Variants in SDK1 observed in about 807,000 individuals in gnomAD.
The protein encoded by SDK1 is sidekick cell adhesion molecule 1, also known as protein sidekick-1.
In SDK1, 157 loss-of-function variants were observed where a neutral mutation model predicts 245.5. That is an observed-to-expected ratio of 0.64 (90% CI 0.56 to 0.73). The LOEUF (loss-of-function observed/expected upper bound fraction) is 0.73. SDK1 is among the 30% of genes least tolerant of loss of function. The probability of loss-of-function intolerance (pLI) is 0.00; values close to 1 mark genes in which losing one functional copy is unlikely to be tolerated. For synonymous variants in SDK1, 1,647 were observed against 1,278.5 expected (o/e 1.29, Z -6.15); for missense variants, 3,583 against 3,002.3 (o/e 1.19, Z -4.52).
intron 4 of SDK1, among the ~76,000 whole-genome samples, chr7:3,741,705 C>T (rs1779479178): frequency 6.6e-6 from 1 of 152,084 alleles, no homozygotes; most frequent in South Asian, 2.1e-4. Flanking sequence ...ACTGACTCTT[C>T]AAAGAAAGAC....
intron 5 of SDK1, among the ~76,000 whole-genome samples, chr7:3,933,557 G>A (rs1443662069): frequency 6.6e-6 from 1 of 152,136 alleles, no homozygotes; most frequent in Non-Finnish European, 1.5e-5. Flanking sequence ...ATGTTGGTTA[G>A]GATAGAACCC....
chr7:3,312,006 A>G (rs1372086608), intron 1 of SDK1, among the ~76,000 whole-genome samples: 1 of 152,142 alleles, frequency 6.6e-6, no homozygotes, highest in Non-Finnish European at 1.5e-5. Flanking sequence ...CAAACCTTGA[A>G]GGGCTTTTCC....
At chr7:3,798,221 T>G (rs1233504208) in intron 4 of SDK1, among the ~76,000 whole-genome samples, 3 of 143,840 alleles carry the variant, frequency 2.1e-5, no homozygotes, top group Non-Finnish European at 4.5e-5. Flanking sequence ...CTTTTTTTTT[T>G]TTTTTTTTTT....
chr7:3,993,832 A>G lies in SDK1; in HGVS notation c.2131+6510A>G, dbSNP rs544314880. Among the ~76,000 whole-genome samples the G allele has an allele frequency of 7.2e-5, 11 of 152,046 alleles. No homozygotes were observed. In the South Asian group the frequency reaches 1.0e-3, roughly 14 times the overall value. On this transcript the variant is annotated intron_variant, in intron 14 of 44. Coordinates refer to ENST00000404826, the MANE Select transcript of SDK1 (RefSeq NM_152744.4). ...CACCTCCTCACTTCTCACGCATTCT[A>G]TCTACTCTTCTCTCCTGAGGCCATA...
intron 35 of SDK1, among the ~76,000 whole-genome samples, chr7:4,191,763 G>A (rs780509693): frequency 2.0e-5 from 3 of 152,240 alleles, no homozygotes; most frequent in African/African-American, 4.8e-5. Context: ...ACAGGGGGCT[G>A]CAGGTGGGCT....
chr7:4,247,214 C>T (rs1786930769), intron 44 of SDK1, among the ~76,000 whole-genome samples: 2 of 152,168 alleles, frequency 1.3e-5, no homozygotes, highest in South Asian at 2.1e-4. Flanking sequence ...CCCCGGGGCT[C>T]TATCGAATGG....
intron 44 of SDK1, among the ~76,000 whole-genome samples, chr7:4,253,363 T>C (rs1275401358): frequency 6.6e-6 from 1 of 152,188 alleles, no homozygotes; most frequent in Non-Finnish European, 1.5e-5. Flanking sequence ...ATTTTTTTAA[T>C]TTTCTGTGTA....
intron 40 of SDK1, among the ~76,000 whole-genome samples, chr7:4,224,522 C>G (rs1172944746): frequency 6.6e-6 from 1 of 152,194 alleles, no homozygotes; most frequent in Admixed American, 6.5e-5. Context: ...CCAAACACCT[C>G]CCACCAGGCC....
intron 1 of SDK1, among the ~76,000 whole-genome samples, chr7:3,417,141 T>C (rs1403422739): frequency 6.6e-6 from 1 of 152,118 alleles, no homozygotes; most frequent in Non-Finnish European, 1.5e-5. Flanking sequence ...GCCACTGCAC[T>C]CAAGCCTGGG....
At chr7:3,859,384 A>C (rs1175851145) in intron 5 of SDK1, among the ~76,000 whole-genome samples, 1 of 151,988 alleles carries the variant, frequency 6.6e-6, no homozygotes, top group Admixed American at 6.6e-5. Flanking sequence ...AAATCCACTT[A>C]TCAGGCACTT....
chr7:3,557,185 T>A (rs1779615265), intron 1 of SDK1, among the ~76,000 whole-genome samples: 1 of 152,090 alleles, frequency 6.6e-6, no homozygotes, highest in African/African-American at 2.4e-5. Context: ...TTAAAAACTT[T>A]AATAAAATTG....
In SDK1 at chr7:3,624,100, T is replaced by C. The variant is rs551003303; in HGVS notation, c.458+4861T>C. Among the ~76,000 whole-genome samples the C allele has an allele frequency of 1.2e-4, 18 of 152,354 alleles. No homozygotes were observed. The East Asian group carries it at 1.7e-3, about 15-fold the overall frequency. ...AATGAGATATAAAAGATGATACTTA[T>C]GTAGGAAACCCACTTGCTATAAAAA... On this transcript the variant is annotated intron_variant, in intron 2 of 44. Coordinates refer to ENST00000404826, the MANE Select transcript of SDK1 (RefSeq NM_152744.4).
At chr7:3,696,561 T>G (rs760368958) in intron 4 of SDK1, among the ~76,000 whole-genome samples, 3 of 104,064 alleles carry the variant, frequency 2.9e-5, no homozygotes, top group Non-Finnish European at 6.0e-5. Flanking sequence ...AGAGCTTACA[T>G]TTCTCTGTGT....
At chr7:3,712,662 C>T (rs753322474) in intron 4 of SDK1, among the ~76,000 whole-genome samples, 1 of 152,156 alleles carries the variant, frequency 6.6e-6, no homozygotes, top group South Asian at 2.1e-4. Flanking sequence ...TCACTGCCTT[C>T]CTGAAGCGCA....
intron 20 of SDK1, among the ~76,000 whole-genome samples, chr7:4,074,856 T>TTCTCTCTCTCTCTCTCTCTCTCTCTC (rs1159856321): frequency 1.4e-5 from 1 of 72,336 alleles, no homozygotes; most frequent in African/African-American, 9.5e-5. Context: ...GAGCAAGACT[T>TTCTCTCTCTCTCTCTCTCTCTCTCTC]TCTCTCTCTC....
chr7:3,444,216 T>G (rs1274712873), intron 1 of SDK1, among the ~76,000 whole-genome samples: 1 of 152,226 alleles, frequency 6.6e-6, no homozygotes, highest in Non-Finnish European at 1.5e-5. Flanking sequence ...GTTGGCCTTC[T>G]TCTTTGGGTG....
At chr7:3,830,071 G>C (rs191820131) in intron 5 of SDK1, among the ~76,000 whole-genome samples, 1 of 152,128 alleles carries the variant, frequency 6.6e-6, no homozygotes, top group Non-Finnish European at 1.5e-5. Flanking sequence ...TGTCCCAGTG[G>C]ATTTATATGA....
chr7:3,384,510 A>G (rs1260796064), intron 1 of SDK1, among the ~76,000 whole-genome samples: 1 of 152,216 alleles, frequency 6.6e-6, no homozygotes, highest in Non-Finnish European at 1.5e-5. Flanking sequence ...GCTAGAGCAA[A>G]TAAATCTAAC....
At chr7:4,137,238 T>G (rs1330004550) in intron 28 of SDK1, among the ~76,000 whole-genome samples, 1 of 152,222 alleles carries the variant, frequency 6.6e-6, no homozygotes, top group Non-Finnish European at 1.5e-5. Flanking sequence ...GAGGTTGCAG[T>G]GAGCCAAGAT....
Sources: allele counts gnomAD v4.1 joint callset (sites outside exome capture counted in the v4.1 genomes callset), GRCh38; gene constraint gnomAD v4.1.1; transcripts MANE v1.5; gene names NCBI Gene and HGNC (gene_info 2026-07-23, HGNC 2026-07-21).